The following TNIK variants were observed in gnomAD, a reference collection of about 807,000 sequenced individuals.
TNIK encodes TRAF2 and NCK interacting kinase.
TNIK carries 49 observed loss-of-function variants against 191.3 expected under a neutral mutation model. That is an observed-to-expected ratio of 0.26 (90% CI 0.20 to 0.32). The LOEUF (loss-of-function observed/expected upper bound fraction) is 0.32. TNIK is among the 10% of genes least tolerant of loss of function. The pLI is 1.00. For synonymous variants in TNIK, 594 were observed against 600.9 expected (o/e 0.99, Z 0.17); for missense variants, 1,155 against 1,702.3 (o/e 0.68, Z 5.66).
chr3:171,263,508 T>TA, intron 2 of TNIK, among the ~76,000 whole-genome samples: 2 of 152,286 alleles, frequency 1.3e-5, no homozygotes, highest in East Asian at 3.9e-4. Context: ...TGTTGCCTTT[T>TA]AAAAAATCTC....
intron 7 of TNIK, among the ~76,000 whole-genome samples, chr3:171,188,146 A>G (rs556384940): frequency 2.6e-5 from 4 of 152,374 alleles, no homozygotes; most frequent in Non-Finnish European, 5.9e-5. Context: ...AGTTTATAAT[A>G]TAAAGTAACA....
At chr3:171,071,356 A>G in intron 28 of TNIK, 33 bp from the exon 29 acceptor site, 1 of 1,423,590 alleles carries the variant, frequency 7.0e-7, no homozygotes, top group Non-Finnish European at 9.6e-7. Flanking sequence ...GAAAAAGTAC[A>G]TCAATTTACT....
chr3:171,378,713 C>T (rs16856227), intron 1 of TNIK, among the ~76,000 whole-genome samples: 5,623 of 152,086 alleles, frequency 0.037, 311 homozygotes, highest in African/African-American at 0.13. Context: ...ACATTTGCAG[C>T]GAGGATTTCT....
At chr3:171,357,901 G>A (rs758864290) in intron 2 of TNIK, among the ~76,000 whole-genome samples, 2 of 152,162 alleles carry the variant, frequency 1.3e-5, no homozygotes, top group Non-Finnish European at 1.5e-5. Context: ...TGAGGCTGGA[G>A]GGGGAGGCAG....
At chr3:171,305,973 T>A (rs746794582) in intron 2 of TNIK, among the ~76,000 whole-genome samples, 1 of 152,076 alleles carries the variant, frequency 6.6e-6, no homozygotes, top group Non-Finnish European at 1.5e-5. Flanking sequence ...TAATTGCCCA[T>A]CAATGACAGA....
rs150647809 is a variant in TNIK at position 171,262,916 on chromosome 3, G to A, written c.124-34695C>T. ...AGTAGGAGGCAAAAATCCATTGGAG[G>A]TGTCTGGAAAATTTTCCCTTCTGAT... On this transcript the variant is annotated intron_variant, in intron 2 of 32. Transcript: ENST00000436636. Among the ~76,000 whole-genome samples the A allele has an allele frequency of 2.3e-3, 345 of 152,316 alleles. 1 individual carries two copies. Among genetic ancestry groups the A allele is most frequent in the Non-Finnish European group, 3.6e-3 (247 of 68,040 alleles).
chr3:171,287,070 T>C (rs1040135013), intron 2 of TNIK, among the ~76,000 whole-genome samples: 15 of 152,196 alleles, frequency 9.9e-5, no homozygotes, highest in African/African-American at 3.4e-4. Flanking sequence ...TGGTATTGTT[T>C]CCAAGAACAT....
At chr3:171,250,234 G>A (rs1003729487) in intron 2 of TNIK, among the ~76,000 whole-genome samples, 4 of 152,166 alleles carry the variant, frequency 2.6e-5, no homozygotes, top group African/African-American at 9.7e-5. Context: ...TTCTGGTAAT[G>A]CCAGCACCCT....
chr3:171,448,763 A>G (rs1047508644), intron 1 of TNIK, among the ~76,000 whole-genome samples: 1 of 152,024 alleles, frequency 6.6e-6, no homozygotes, highest in East Asian at 1.9e-4. Context: ...TCTACTTATT[A>G]TTATTATACT....
At chr3:171,374,958 G>A (rs1206862951) in intron 1 of TNIK, among the ~76,000 whole-genome samples, 3 of 152,274 alleles carry the variant, frequency 2.0e-5, no homozygotes, top group East Asian at 1.9e-4. Context: ...ACTAATGAGC[G>A]GCAGAGCCAG....
At chr3:171,085,331 A>G in intron 24 of TNIK, 102 bp from the exon 25 acceptor site, 1 of 1,151,832 alleles carries the variant, frequency 8.7e-7, no homozygotes, top group Non-Finnish European at 1.2e-6. Context: ...CAGATTCTTC[A>G]AGGTATTCAG....
intron 23 of TNIK, among the ~76,000 whole-genome samples, chr3:171,088,511 G>A (rs376800040): frequency 1.8e-3 from 267 of 152,316 alleles, no homozygotes; most frequent in African/African-American, 6.3e-3. Flanking sequence ...GGGATGACAC[G>A]TGTGAACCAC....
chr3:171,176,499 T>C (rs1735973091), intron 8 of TNIK, among the ~76,000 whole-genome samples: 1 of 152,136 alleles, frequency 6.6e-6, no homozygotes, highest in South Asian at 2.1e-4. Context: ...AGTCATCAGA[T>C]TGCTATGCAA....
At chr3:171,433,757 TA>T (rs1725658698) in intron 1 of TNIK, among the ~76,000 whole-genome samples, 1 of 152,086 alleles carries the variant, frequency 6.6e-6, no homozygotes, top group Non-Finnish European at 1.5e-5. Context: ...ATGGGAATAA[TA>T]TTACTAAATT....
intron 1 of TNIK, among the ~76,000 whole-genome samples, chr3:171,421,852 C>T (rs561324098): frequency 1.5e-3 from 232 of 151,216 alleles, no homozygotes; most frequent in African/African-American, 5.3e-3. Flanking sequence ...CTGCCTCAGC[C>T]TCCCGAGTAG....
rs1245855170 is a variant in TNIK, at chr3:171,175,445, A to G, written c.695-115T>C. 3 of 736,456 alleles carry G rather than the reference A, an allele frequency of 4.1e-6. No individual in the cohort carries two copies. The East Asian group carries it at 8.3e-5, about 20-fold the overall frequency. 45.6% of individuals were successfully genotyped at this position (736,456 alleles called of 1,614,324 possible). A position where few individuals can be genotyped will look rare whatever the true frequency, so the allele number is the denominator to read the frequency against. On this transcript the variant is annotated intron_variant, in intron 8 of 32. Coordinates refer to ENST00000436636, the MANE Select transcript of TNIK (RefSeq NM_015028.4). ...TGACCCACTCAGTTTACACACCACC[A>G]GTGAGCACAAAGTCAGAATATCCAA...
intron 1 of TNIK, among the ~76,000 whole-genome samples, chr3:171,436,378 T>C (rs1417977526): frequency 6.6e-6 from 1 of 152,266 alleles, no homozygotes; most frequent in Non-Finnish European, 1.5e-5. Context: ...GAACATTTAT[T>C]GTGTATTTGC....
At chr3:171,237,113 A>G (rs900692766) in intron 2 of TNIK, among the ~76,000 whole-genome samples, 1 of 152,226 alleles carries the variant, frequency 6.6e-6, no homozygotes, top group Non-Finnish European at 1.5e-5. Flanking sequence ...CACTGGTGTC[A>G]TGAGAAAAAA....
At chr3:171,390,762 C>A (rs1236808490) in intron 1 of TNIK, among the ~76,000 whole-genome samples, 1 of 152,160 alleles carries the variant, frequency 6.6e-6, no homozygotes, top group African/African-American at 2.4e-5. Flanking sequence ...TCACACCTAT[C>A]CTTCATGAGA....
Sources: allele counts gnomAD v4.1 joint callset (sites outside exome capture counted in the v4.1 genomes callset), GRCh38; gene constraint gnomAD v4.1.1; transcripts MANE v1.5; gene names NCBI Gene and HGNC (gene_info 2026-07-23, HGNC 2026-07-21).